The following RNF111 variants were observed in gnomAD, a reference collection of about 807,000 sequenced individuals.
RNF111 encodes E3 ubiquitin-protein ligase Arkadia.
RNF111 carries 17 observed loss-of-function variants against 95.1 expected under a neutral mutation model. That is an observed-to-expected ratio of 0.18 (90% CI 0.12 to 0.27). RNF111 has a LOEUF of 0.27. Among genes scored for constraint, RNF111 ranks in the 10% least tolerant of loss-of-function variants. The probability of loss-of-function intolerance (pLI) is 1.00; values close to 1 mark genes in which losing one functional copy is unlikely to be tolerated. For missense variants in RNF111, 1,189 were observed against 1,210.4 expected (o/e 0.98, Z 0.26); for synonymous variants, 440 against 414.8 (o/e 1.06, Z -0.74).
intron 6 of RNF111, among the ~76,000 whole-genome samples, chr15:59,074,308 C>G (rs528802278): frequency 1.3e-5 from 2 of 152,342 alleles, no homozygotes; most frequent in Admixed American, 1.3e-4. Flanking sequence ...CCATTGACTT[C>G]TCTTTGCTAT....
intron 12 of RNF111, among the ~76,000 whole-genome samples, chr15:59,091,991 C>T (rs1006709593): frequency 3.3e-5 from 5 of 152,180 alleles, no homozygotes; most frequent in Admixed American, 6.5e-5. Flanking sequence ...TCCTGCTGTG[C>T]AGCCAGGTAC....
chr15:59,096,057 A>G lies in RNF111; in HGVS notation c.*1157A>G. ...CTGTCAACCTACTGTTGCTATGGTT[A>G]TATACTCCCACTTCATACATTACCA... On this transcript the variant is annotated 3_prime_UTR_variant, in exon 14 of 14. Transcript: ENST00000348370. 1 of 398,662 alleles carries G rather than the reference A, an allele frequency of 2.5e-6. No homozygotes were observed. The highest frequency in any genetic ancestry group is 4.4e-6 in the Non-Finnish European group (1 of 225,848). The allele number at this position is 398,662 out of a possible 1,614,324, so 24.7% of individuals were successfully genotyped here. A position where few individuals can be genotyped will look rare whatever the true frequency, so the allele number is the denominator to read the frequency against.
intron 1 of RNF111, among the ~76,000 whole-genome samples, chr15:59,017,092 A>G (rs61690344): frequency 0.024 from 3,647 of 152,092 alleles, 86 homozygotes; most frequent in African/African-American, 0.051. Context: ...ATGCAATGAT[A>G]ATAGAAACAA....
chr15:59,013,795 CT>C (rs567801014), intron 1 of RNF111, among the ~76,000 whole-genome samples: 2 of 150,542 alleles, frequency 1.3e-5, no homozygotes, highest in Non-Finnish European at 3.0e-5. Context: ...CATTTTTTTT[CT>C]TTTTTTTTGG....
Position 59,015,846 on chromosome 15 carries a change from A to G in RNF111, c.-19-14958A>G, listed in dbSNP as rs538739095. ...GTGCTTTTATTTATAGCATGTTTAT[A>G]ACGTATTCTGGTTATTTATTTATTT... On this transcript the variant is annotated intron_variant, in intron 1 of 13. Transcript: ENST00000348370. Among the ~76,000 whole-genome samples the G allele has an allele frequency of 1.1e-4, 16 of 152,022 alleles. No homozygotes were observed. In the South Asian group the frequency reaches 3.3e-3, roughly 32 times the overall value.
intron 5 of RNF111, among the ~76,000 whole-genome samples, chr15:59,062,579 C>A (rs981380659): frequency 3.3e-5 from 5 of 152,148 alleles, no homozygotes; most frequent in African/African-American, 1.2e-4. Flanking sequence ...AATTTTTGTT[C>A]TAACAGAGCT....
At chr15:59,086,446 A>G (rs2078903657) in intron 10 of RNF111, among the ~76,000 whole-genome samples, 1 of 152,238 alleles carries the variant, frequency 6.6e-6, no homozygotes, top group Non-Finnish European at 1.5e-5. Context: ...GAAAGATTAT[A>G]CTAATTCTCT....
At chr15:59,079,225 A>G (rs576409812) in intron 7 of RNF111, among the ~76,000 whole-genome samples, 12 of 152,366 alleles carry the variant, frequency 7.9e-5, no homozygotes, top group African/African-American at 2.9e-4. Flanking sequence ...TGAATGTTGT[A>G]TAATGATTAC....
Position 59,030,830 on chromosome 15 carries a change from A to G in RNF111, c.8A>G (p.Gln3Arg). The G allele has an allele frequency of 6.4e-7, 1 of 1,564,440 alleles. No individual in the cohort carries two copies. Among genetic ancestry groups the G allele is most frequent in the South Asian group, 1.2e-5 (1 of 84,968 alleles). The change falls in exon 2 of 14, where the codon CAA becomes CGA. Residue 3 changes from glutamine (Q) to arginine (R), a missense_variant. Physicochemically the swap from Gln to Arg is conservative, Grantham distance 43 (BLOSUM62 1). Coordinates refer to ENST00000348370, the MANE Select transcript of RNF111 (RefSeq NM_017610.8). MSQWTPEYNELYT... is the reference protein window; with the variant it reads MSRWTPEYNELYT... ...CTTTCCTTAAAGTTTCCCATGTCTC[A>G]ATGGACTCCTGAATATAACGAGCTC...
chr15:59,012,645 T>G (rs1596074829), intron 1 of RNF111, among the ~76,000 whole-genome samples: 1 of 152,202 alleles, frequency 6.6e-6, no homozygotes, highest in Non-Finnish European at 1.5e-5. Context: ...TTACACATAA[T>G]TTCTCAGTGT....
chr15:59,016,678 A>G (rs1179219485), intron 1 of RNF111, among the ~76,000 whole-genome samples: 1 of 152,148 alleles, frequency 6.6e-6, no homozygotes, highest in Admixed American at 6.6e-5. Context: ...TGCTTCAGTG[A>G]CATTGTTTTC....
chr15:59,046,382 G>A (rs552897282), intron 2 of RNF111, among the ~76,000 whole-genome samples: 1 of 152,166 alleles, frequency 6.6e-6, no homozygotes, highest in African/African-American at 2.4e-5. Flanking sequence ...TTGTGGAAAT[G>A]AGGTTTCACC....
At chr15:59,017,888 G>A (rs35210199) in intron 1 of RNF111, among the ~76,000 whole-genome samples, 47,162 of 151,302 alleles carry the variant, frequency 0.31, 7,441 homozygotes, top group East Asian at 0.41. Context: ...CTCCCGAGTA[G>A]CTGGGATTAC....
At chr15:59,032,498 T>C (rs1353755177) in intron 2 of RNF111, among the ~76,000 whole-genome samples, 2 of 152,184 alleles carry the variant, frequency 1.3e-5, no homozygotes, top group African/African-American at 4.8e-5. Flanking sequence ...CTTGGTTCAC[T>C]GCAACCTTCA....
At chr15:59,011,118 A>AT (rs1463576219) in intron 1 of RNF111, among the ~76,000 whole-genome samples, 1 of 152,124 alleles carries the variant, frequency 6.6e-6, no homozygotes, top group East Asian at 1.9e-4. Flanking sequence ...ATACTTCATC[A>AT]TTAATTATAT....
At chr15:59,031,839 A>AAC in intron 2 of RNF111, 137 bp downstream of exon 2, 1 of 760,678 alleles carries the variant, frequency 1.3e-6, no homozygotes, top group Non-Finnish European at 2.1e-6. Context: ...CATATAAATT[A>AAC]CCAATTGCAG....
chr15:59,072,694 T>C (rs1363039875), intron 6 of RNF111, among the ~76,000 whole-genome samples: 4 of 151,774 alleles, frequency 2.6e-5, no homozygotes, highest in African/African-American at 9.7e-5. Flanking sequence ...CCTCGTGATC[T>C]GCCTGCCTCA....
intron 1 of RNF111, among the ~76,000 whole-genome samples, chr15:58,996,443 G>C (rs1016439454): frequency 4.0e-5 from 6 of 151,730 alleles, no homozygotes; most frequent in Non-Finnish European, 5.9e-5. Context: ...TAGCCAAGTG[G>C]GGTGGTGCAT....
intron 10 of RNF111, 35 bp downstream of exon 10, chr15:59,085,820 C>G (rs766559103): frequency 6.3e-6 from 10 of 1,578,916 alleles, no homozygotes; most frequent in Non-Finnish European, 8.7e-6. Flanking sequence ...TTGACATGTT[C>G]TAAAAGTTCC....
Sources: allele counts gnomAD v4.1 joint callset (sites outside exome capture counted in the v4.1 genomes callset), GRCh38; gene constraint gnomAD v4.1.1; transcripts MANE v1.5; gene names NCBI Gene and HGNC (gene_info 2026-07-23, HGNC 2026-07-21).